Variants in NKAIN3 observed in about 807,000 individuals in gnomAD.
NKAIN3 encodes the protein sodium/potassium-transporting ATPase subunit beta-1-interacting protein 3.
A neutral mutation model predicts 30.2 loss-of-function variants in NKAIN3; 25 were observed. The observed-to-expected ratio is 0.83, with a 90% CI of 0.60 to 1.16. The LOEUF (loss-of-function observed/expected upper bound fraction) is 1.16. Ranked by LOEUF, NKAIN3 falls within the 50% of genes most tolerant of loss-of-function variation. NKAIN3 has a pLI of 0.00. For synonymous variants in NKAIN3, 91 were observed against 89.6 expected (o/e 1.02, Z -0.09); for missense variants, 225 against 254.1 (o/e 0.89, Z 0.78).
intron 3 of NKAIN3, among the ~76,000 whole-genome samples, chr8:62,727,712 G>T (rs1162193820): frequency 6.6e-6 from 1 of 152,082 alleles, no homozygotes; most frequent in Non-Finnish European, 1.5e-5. Flanking sequence ...ATAATGGAGA[G>T]ATATTTCATG....
chr8:62,636,613 T>A (rs1812138376), intron 3 of NKAIN3, among the ~76,000 whole-genome samples: 1 of 152,180 alleles, frequency 6.6e-6, no homozygotes, highest in South Asian at 2.1e-4. Context: ...TAGAGAATAA[T>A]CTTGTGTTTG....
chr8:62,710,582 C>G (rs908875120), intron 3 of NKAIN3, among the ~76,000 whole-genome samples: 3 of 152,106 alleles, frequency 2.0e-5, no homozygotes, highest in Non-Finnish European at 4.4e-5. Context: ...ATGCCTTTTT[C>G]TACCCCTTTA....
At chr8:62,456,525 A>T (rs547463761) in intron 1 of NKAIN3, among the ~76,000 whole-genome samples, 6 of 152,178 alleles carry the variant, frequency 3.9e-5, no homozygotes, top group African/African-American at 1.4e-4. Flanking sequence ...TCTTAAAAAA[A>T]AAAAAAAATA....
intron 3 of NKAIN3, among the ~76,000 whole-genome samples, chr8:62,625,351 G>GC (rs1811758976): frequency 6.6e-6 from 1 of 152,110 alleles, no homozygotes; most frequent in African/African-American, 2.4e-5. Flanking sequence ...ACATGTAACA[G>GC]ATAAGGAAGC....
chr8:62,581,110 T>TATAAAATAAAATAAA (rs71559376), intron 2 of NKAIN3, among the ~76,000 whole-genome samples: 9,085 of 114,220 alleles, frequency 0.08, 497 homozygotes, highest in East Asian at 0.16. Flanking sequence ...CTCAAAAAAA[T>TATAAAATAAAATAAA]ATAAAATAAA....
intron 1 of NKAIN3, among the ~76,000 whole-genome samples, chr8:62,494,691 CTCATTCTTGGTTCAGGGAA>C (rs1193728671): frequency 5.3e-5 from 8 of 151,884 alleles, no homozygotes; most frequent in Non-Finnish European, 1.0e-4. Flanking sequence ...AATTTTGGAG[CTCATTCTTGGTTCAGGGAA>C]TCAATTTCGT....
intron 4 of NKAIN3, among the ~76,000 whole-genome samples, chr8:62,886,402 A>G (rs1415351488): frequency 6.6e-6 from 1 of 152,072 alleles, no homozygotes; most frequent in South Asian, 2.1e-4. Context: ...CTATTAGATC[A>G]GTTAAGAATA....
At chr8:62,387,031 C>A (rs1399505371) in intron 1 of NKAIN3, among the ~76,000 whole-genome samples, 1 of 151,852 alleles carries the variant, frequency 6.6e-6, no homozygotes, top group African/African-American at 2.4e-5. Context: ...AGTGACTATA[C>A]TATAGTGTTT....
chr8:62,903,486 G>A (rs1320221953), intron 4 of NKAIN3, among the ~76,000 whole-genome samples: 8 of 151,992 alleles, frequency 5.3e-5, no homozygotes, highest in Non-Finnish European at 8.8e-5. Flanking sequence ...TCTGCTGGGC[G>A]CACAAGATAG....
chr8:62,428,417 A>G (rs915910632), intron 1 of NKAIN3, among the ~76,000 whole-genome samples: 1 of 151,950 alleles, frequency 6.6e-6, no homozygotes, highest in Non-Finnish European at 1.5e-5. Context: ...AAAAACCTCC[A>G]TATGAGTTTT....
rs141590140 is a variant in NKAIN3 at position 62,618,632 on chromosome 8, G to T, written c.273+28838G>T. ...AAGAAAGAAAGAAAGAAGGCCAGGG[G>T]CTGTGGCTAACGCCTGTAATCCTAG... On this transcript the variant is annotated intron_variant, in intron 3 of 6. Coordinates refer to ENST00000623646, the MANE Select transcript of NKAIN3 (RefSeq NM_001304533.3). Among the ~76,000 whole-genome samples the T allele has an allele frequency of 1.8e-4, 27 of 152,218 alleles. No homozygotes were observed. The East Asian group carries it at 4.8e-3, about 27-fold the overall frequency.
At chr8:62,737,151 G>A (rs1295466790) in intron 3 of NKAIN3, among the ~76,000 whole-genome samples, 1 of 152,070 alleles carries the variant, frequency 6.6e-6, no homozygotes, top group Non-Finnish European at 1.5e-5. Context: ...AAAAGTTCAT[G>A]ATATGAGTTT....
intron 1 of NKAIN3, among the ~76,000 whole-genome samples, chr8:62,340,703 T>C (rs1417288572): frequency 6.6e-6 from 1 of 151,902 alleles, no homozygotes; most frequent in Non-Finnish European, 1.5e-5. Flanking sequence ...ACTGACATAA[T>C]AGGATTCCTG....
chr8:62,508,303 A>C (rs931008324), intron 1 of NKAIN3, among the ~76,000 whole-genome samples: 2 of 152,076 alleles, frequency 1.3e-5, no homozygotes, highest in African/African-American at 4.8e-5. Context: ...TTGCTTAGTT[A>C]TGGCAGGTTC....
intron 3 of NKAIN3, among the ~76,000 whole-genome samples, chr8:62,634,670 T>A (rs1348004111): frequency 6.6e-6 from 1 of 152,136 alleles, no homozygotes; most frequent in Admixed American, 6.5e-5. Context: ...CAGGGACAGC[T>A]AGGAGAGGAG....
intron 3 of NKAIN3, among the ~76,000 whole-genome samples, chr8:62,732,192 C>T (rs907501723): frequency 6.6e-6 from 1 of 151,846 alleles, no homozygotes; most frequent in Non-Finnish European, 1.5e-5. Flanking sequence ...TCTTATCTGC[C>T]CCCAATAGAT....
chr8:62,696,907 C>G (rs1334046801), intron 3 of NKAIN3, among the ~76,000 whole-genome samples: 1 of 152,066 alleles, frequency 6.6e-6, no homozygotes, highest in Non-Finnish European at 1.5e-5. Flanking sequence ...TTCCTGTAGT[C>G]ATAGAATTCA....
intron 4 of NKAIN3, among the ~76,000 whole-genome samples, chr8:62,897,007 T>C (rs1869732): frequency 0.77 from 117,632 of 152,002 alleles, 46,375 homozygotes; most frequent in East Asian, 0.98. Flanking sequence ...AATCAAATTA[T>C]ATTTTTGTAA....
intron 3 of NKAIN3, among the ~76,000 whole-genome samples, chr8:62,723,051 C>G (rs1183764385): frequency 2.6e-5 from 4 of 152,036 alleles, no homozygotes; most frequent in African/African-American, 9.7e-5. Flanking sequence ...GCAAAGGAAG[C>G]AATTAAGAAA....
Sources: allele counts gnomAD v4.1 joint callset (sites outside exome capture counted in the v4.1 genomes callset), GRCh38; gene constraint gnomAD v4.1.1; transcripts MANE v1.5; gene names NCBI Gene and HGNC (gene_info 2026-07-23, HGNC 2026-07-21).